The following SPARC variants were observed in gnomAD, a reference collection of about 807,000 sequenced individuals.
SPARC encodes basement-membrane protein 40.
SPARC carries 23 observed loss-of-function variants against 37.7 expected under a neutral mutation model. The ratio of observed to expected loss-of-function variants is 0.61; its 90% CI spans 0.44 to 0.87. The LOEUF is 0.87. Among genes scored for constraint, SPARC ranks in the 40% least tolerant of loss-of-function variants. The pLI, the probability that SPARC is intolerant of heterozygous loss-of-function variation, is 0.00. For synonymous variants in SPARC, 155 were observed against 150.8 expected, an observed-to-expected ratio of 1.03 and a Z score of -0.20; for missense variants, 312 against 389.0, an observed-to-expected ratio of 0.80 and a Z score of 1.66.
chr5:151,662,595 GT>G lies in SPARC; in HGVS notation c.*975del, dbSNP rs1393413328. On this transcript the variant is annotated 3_prime_UTR_variant, in exon 10 of 10. Coordinates refer to ENST00000231061, the MANE Select transcript of SPARC (RefSeq NM_003118.4). Reference sequence around the variant, plus strand: ...ATCCGACCATCCCATTAACTTTGAAGTTTCTCTTGATTAATAGAAGAAAAAA... The same window carrying G: ...ATCCGACCATCCCATTAACTTTGAAGTTCTCTTGATTAATAGAAGAAAAAA... 6 of 152,704 alleles carry G rather than the reference GT, an allele frequency of 3.9e-5. No individual in the cohort carries two copies. In the East Asian group the frequency reaches 9.6e-4, roughly 25 times the overall value. 9.5% of individuals were successfully genotyped at this position (152,704 alleles called of 1,614,324 possible).
At chr5:151,672,325 T>G (rs1760764661) in intron 4 of SPARC, among the ~76,000 whole-genome samples, 1 of 152,222 alleles carries the variant, frequency 6.6e-6, no homozygotes, top group South Asian at 2.1e-4. Flanking sequence ...GAGCTTAATG[T>G]GGCCTTTTCC....
Position 151,663,696 on chromosome 5 carries a change from A to C in SPARC, c.884-97T>G, listed in dbSNP as rs780636596. On this transcript the variant is annotated intron_variant, in intron 9 of 9. Transcript: ENST00000231061. Reference sequence around the variant, plus strand: ...TGGACTCCCACCCATCCCCAGGGGCAGGGGTCTAGGTGGCCATGCAAGGTC... The same window carrying C: ...TGGACTCCCACCCATCCCCAGGGGCCGGGGTCTAGGTGGCCATGCAAGGTC... 64 of 1,257,040 alleles carry C rather than the reference A, an allele frequency of 5.1e-5. 1 individual carries two copies. Among genetic ancestry groups the C allele is most frequent in the Non-Finnish European group, 7.3e-5 (63 of 861,936 alleles). 77.9% of individuals were successfully genotyped at this position (1,257,040 alleles called of 1,614,324 possible).
intron 1 of SPARC, chr5:151,679,237 G>C (rs1760928737): frequency 6.6e-6 from 1 of 152,228 alleles, no homozygotes; most frequent in South Asian, 2.1e-4. Flanking sequence ...TCATAATCCA[G>C]CACCCCACTG....
At chr5:151,664,429 C>T (rs1760581880) in intron 8 of SPARC, among the ~76,000 whole-genome samples, 194 bp from the exon 9 acceptor site, 1 of 152,208 alleles carries the variant, frequency 6.6e-6, no homozygotes, top group Admixed American at 6.5e-5. Flanking sequence ...AGCAGTGCAC[C>T]ATTCGGAACC....
At chr5:151,673,004 A>G (rs899724366) in intron 4 of SPARC, 125 bp downstream of exon 4, 3 of 744,234 alleles carry the variant, frequency 4.0e-6, no homozygotes, top group South Asian at 1.5e-5. Flanking sequence ...TGTTTCCTTC[A>G]TAGCCCACTG....
rs1442412514 is a variant in SPARC at position 151,661,648 on chromosome 5, A to AAT, written c.*1922_*1923insAT. 7 of 152,194 alleles carry AAT rather than the reference A, an allele frequency of 4.6e-5. No individual in the cohort carries two copies. Among genetic ancestry groups the AAT allele is most frequent in the Non-Finnish European group, 1.0e-4 (7 of 68,022 alleles). 9.4% of individuals were successfully genotyped at this position (152,194 alleles called of 1,614,324 possible). Reference sequence around the variant, plus strand: ...ACATGATGAACATGCATGAGCTTTGAAAAGTGCTCTGTAGTCTTATGATGA... The same window carrying AAT: ...ACATGATGAACATGCATGAGCTTTGAATAAAGTGCTCTGTAGTCTTATGATGA... On this transcript the variant is annotated 3_prime_UTR_variant, in exon 10 of 10. Coordinates refer to ENST00000231061, the MANE Select transcript of SPARC (RefSeq NM_003118.4).
chr5:151,666,330 G>A (rs995800619), intron 8 of SPARC, 31 bp downstream of exon 8: 13 of 1,602,694 alleles, frequency 8.1e-6, no homozygotes, highest in Admixed American at 3.4e-5. Context: ...CCAGCCTTGA[G>A]CTCTGTTCAC....
In SPARC at chr5:151,663,420, T is replaced by C. The variant is rs1190249108; in HGVS notation, c.*151A>G. 3 of 747,720 alleles carry C rather than the reference T, an allele frequency of 4.0e-6. No homozygotes were observed. The highest frequency in any genetic ancestry group is 6.8e-6 in the Non-Finnish European group (3 of 440,512). The allele number at this position is 747,720 out of a possible 1,614,324, so 46.3% of individuals were successfully genotyped here. ...GAATGTCATGTCTTGGGTTAGAATT[T>C]TCATTTTTAGCACCGTTAATGTATT... On this transcript the variant is annotated 3_prime_UTR_variant, in exon 10 of 10. Transcript: ENST00000231061.
intron 4 of SPARC, 37 bp downstream of exon 4, chr5:151,673,092 C>T (rs199546830): frequency 6.7e-7 from 1 of 1,493,462 alleles, no homozygotes; most frequent in Non-Finnish European, 9.3e-7. Flanking sequence ...CAGCCAAGGG[C>T]AGCTTGGATG....
In SPARC at chr5:151,670,619, GAGTCCT is replaced by G. The variant is rs1257956951; in HGVS notation, c.331-841_331-836del. Among the ~76,000 whole-genome samples the G allele has an allele frequency of 3.9e-5, 6 of 152,278 alleles. No individual in the cohort carries two copies. In the East Asian group the frequency reaches 9.6e-4, roughly 24 times the overall value. On this transcript the variant is annotated intron_variant, in intron 5 of 9. Coordinates refer to ENST00000231061, the MANE Select transcript of SPARC (RefSeq NM_003118.4). ...AGTACAACTGTATGCTGAGCCAATG[GAGTCCT>G]AGTCGATCTCTGAACATAGGGGTGG...
In SPARC at chr5:151,667,617, A is replaced by T; in HGVS notation, c.452-17T>A. The T allele has an allele frequency of 6.2e-7, 1 of 1,613,702 alleles. No homozygotes were observed. The highest frequency in any genetic ancestry group is 8.5e-7 in the Non-Finnish European group (1 of 1,179,882). ...GGGGGATGTCTAGGTTCCAAACACAAGGGCGGTCAGCACAGACCCTGCCTG... is the reference window on the plus strand; with the variant it reads ...GGGGGATGTCTAGGTTCCAAACACATGGGCGGTCAGCACAGACCCTGCCTG... On this transcript the variant is annotated splice_polypyrimidine_tract_variant and intron_variant, in intron 6 of 9. Coordinates refer to ENST00000231061, the MANE Select transcript of SPARC (RefSeq NM_003118.4).
chr5:151,662,299 G>C lies in SPARC; in HGVS notation c.*1272C>G, dbSNP rs1356756439. The C allele has an allele frequency of 8.5e-6, 1 of 117,116 alleles. No individual in the cohort carries two copies. The highest frequency in any genetic ancestry group is 8.9e-5 in the Admixed American group (1 of 11,276). 7.3% of individuals were successfully genotyped at this position (117,116 alleles called of 1,614,324 possible). A position where few individuals can be genotyped will look rare whatever the true frequency, so the allele number is the denominator to read the frequency against. Reference sequence around the variant, plus strand: ...TAAACATGCCGGTGTGTGTGTACAGGTGTGTGTGTGCAAAAGCATAATGTG... The same window carrying C: ...TAAACATGCCGGTGTGTGTGTACAGCTGTGTGTGTGCAAAAGCATAATGTG... On this transcript the variant is annotated 3_prime_UTR_variant, in exon 10 of 10. Transcript: ENST00000231061.
chr5:151,668,413 A>G (rs1432369882), intron 6 of SPARC, among the ~76,000 whole-genome samples: 2 of 152,126 alleles, frequency 1.3e-5, no homozygotes, highest in African/African-American at 2.4e-5. Flanking sequence ...TCGGCCTCCC[A>G]AAGTGCTGGG....
chr5:151,678,273 T>C (rs1464039483), intron 1 of SPARC, among the ~76,000 whole-genome samples: 1 of 152,200 alleles, frequency 6.6e-6, no homozygotes, highest in East Asian at 1.9e-4. Context: ...TCCCTGAGTC[T>C]GCGTCCTTCA....
At chr5:151,674,772 G>C in intron 2 of SPARC, 98 bp from the exon 3 acceptor site, 1 of 1,182,286 alleles carries the variant, frequency 8.5e-7, no homozygotes, top group Non-Finnish European at 1.2e-6. Context: ...GGGGAGCTTG[G>C]AGAGCAGCTT....
intron 1 of SPARC, chr5:151,685,825 G>C (rs1761125964): frequency 6.6e-6 from 1 of 152,158 alleles, no homozygotes; most frequent in African/African-American, 2.4e-5. Flanking sequence ...TCCCTTTTGG[G>C]CAGACTGGGA....
At chr5:151,674,799 G>T in intron 2 of SPARC, 125 bp from the exon 3 acceptor site, 1 of 858,896 alleles carries the variant, frequency 1.2e-6, no homozygotes, top group Non-Finnish European at 1.9e-6. Context: ...GATCCCCAAA[G>T]TTGTGCCTCA....
intron 7 of SPARC, among the ~76,000 whole-genome samples, 172 bp downstream of exon 7, chr5:151,667,295 T>C (rs1760644573): frequency 6.6e-6 from 1 of 152,180 alleles, no homozygotes; most frequent in East Asian, 1.9e-4. Flanking sequence ...GCCTCTAAGA[T>C]GTTAATGTGC....
intron 6 of SPARC, among the ~76,000 whole-genome samples, chr5:151,669,432 T>G (rs1043075863): frequency 1.3e-5 from 2 of 152,226 alleles, no homozygotes; most frequent in Non-Finnish European, 2.9e-5. Context: ...TCTTCCCTGA[T>G]GTTGACCTTC....
Sources: allele counts gnomAD v4.1 joint callset (sites outside exome capture counted in the v4.1 genomes callset), GRCh38; gene constraint gnomAD v4.1.1; transcripts MANE v1.5; gene names NCBI Gene and HGNC (gene_info 2026-07-23, HGNC 2026-07-21).